TSC22D1: variants seen among roughly 807,000 people sequenced by gnomAD.
TSC22D1 encodes the protein TSC22 domain family member 1.
A neutral mutation model predicts 74.2 loss-of-function variants in TSC22D1; 9 were observed. The observed-to-expected ratio is 0.12, with a 90% confidence interval of 0.07 to 0.21. TSC22D1 has a LOEUF of 0.21. Ranked by LOEUF, TSC22D1 falls within the 10% of genes least tolerant of loss-of-function variation. The pLI, the probability that TSC22D1 is intolerant of heterozygous loss-of-function variation, is 1.00. For missense variants in TSC22D1, 1,427 were observed against 1,304.7 expected, an observed-to-expected ratio of 1.09 and a Z score of -1.44; for synonymous variants, 586 against 492.5, an observed-to-expected ratio of 1.19 and a Z score of -2.51.
At chr13:44,523,197 T>C (rs1282729871) in intron 1 of TSC22D1, among the ~76,000 whole-genome samples, 1 of 152,160 alleles carries the variant, frequency 6.6e-6, no homozygotes, top group Non-Finnish European at 1.5e-5. Context: ...TCATTGCTGG[T>C]GGAAATGCAA....
chr13:44,434,374 A>T lies in TSC22D1; in HGVS notation c.*252T>A. ...TTAAACCATTTCTCAGATATCTGCC[A>T]AGCTGCATGAGGTCCCGGTATATCC... On this transcript the variant is annotated 3_prime_UTR_variant, in exon 3 of 3. Coordinates refer to ENST00000458659, the MANE Select transcript of TSC22D1 (RefSeq NM_183422.4). The T allele has an allele frequency of 7.3e-7, 1 of 1,375,360 alleles. No homozygotes were observed. Among genetic ancestry groups the T allele is most frequent in the Non-Finnish European group, 9.3e-7 (1 of 1,073,828 alleles). The allele number at this position is 1,375,360 out of a possible 1,614,324, so 85.2% of individuals were successfully genotyped here.
intron 1 of TSC22D1, among the ~76,000 whole-genome samples, chr13:44,479,322 ATTTTT>A (rs35004474): frequency 7.5e-6 from 1 of 134,108 alleles, no homozygotes. Context: ...TCTTTCTGTG[ATTTTT>A]TTTTTTTTTT....
chr13:44,487,301 C>T (rs1595111676), intron 1 of TSC22D1, among the ~76,000 whole-genome samples: 1 of 151,638 alleles, frequency 6.6e-6, no homozygotes, highest in Admixed American at 6.6e-5. Flanking sequence ...GAGTTCAAGA[C>T]CAGCCTGTCC....
At chr13:44,542,048 TG>T (rs1414787438) in intron 1 of TSC22D1, among the ~76,000 whole-genome samples, 2 of 152,150 alleles carry the variant, frequency 1.3e-5, no homozygotes, top group East Asian at 3.8e-4. Context: ...TCTAAATTAA[TG>T]AAATCTAAGT....
intron 1 of TSC22D1, among the ~76,000 whole-genome samples, chr13:44,511,326 C>T (rs902593785): frequency 6.6e-6 from 1 of 151,862 alleles, no homozygotes; most frequent in Non-Finnish European, 1.5e-5. Context: ...TAAACAAAAA[C>T]CTTTGCCTGT....
At chr13:44,572,040 A>G (rs1595179011) in intron 1 of TSC22D1, among the ~76,000 whole-genome samples, 1 of 152,192 alleles carries the variant, frequency 6.6e-6, no homozygotes, top group East Asian at 1.9e-4. Context: ...TCGCTTGATG[A>G]AAGTTCAATC....
At chr13:44,570,540 C>T (rs1017516373) in intron 1 of TSC22D1, among the ~76,000 whole-genome samples, 2 of 152,068 alleles carry the variant, frequency 1.3e-5, no homozygotes, top group Non-Finnish European at 2.9e-5. Flanking sequence ...AAACAAGATA[C>T]ATAATCTTAG....
At chr13:44,539,031 G>C (rs1335312412) in intron 1 of TSC22D1, 1 of 985,138 alleles carries the variant, frequency 1.0e-6, no homozygotes, top group Non-Finnish European at 1.2e-6. Context: ...GAACTTCCTG[G>C]AATCAAATCC....
chr13:44,523,118 CT>C (rs1167110166), intron 1 of TSC22D1, among the ~76,000 whole-genome samples: 1 of 151,964 alleles, frequency 6.6e-6, no homozygotes, highest in Non-Finnish European at 1.5e-5. Context: ...TACCACACCC[CT>C]ATTAGACAGG....
rs1398629731 is a variant in TSC22D1, at chr13:44,575,299, G to A, written c.776C>T (p.Ser259Phe). The stretch of plus-strand genomic sequence containing the variant: ...GCTTCCAGTTGTAGAGAGTTTTCTA[G>A]ATACTGGGCTTGAGGGTGGCCCACC... Reference protein sequence around the residue: ...ITGGPPSSPVSRKLSTTGSSD... With the variant: ...ITGGPPSSPVFRKLSTTGSSD... The change falls in exon 1 of 3, where the codon TCT (serine) becomes TTT (phenylalanine). Residue 259 changes from serine to phenylalanine, a missense_variant. Transcript: ENST00000458659. 6.2e-7 allele frequency: 1 copy of A among 1,614,154 alleles called. No individual in the cohort carries two copies. The highest frequency in any genetic ancestry group is 2.2e-5 in the East Asian group (1 of 44,880).
rs760511284 is a variant in TSC22D1, at chr13:44,573,496, G to A, written c.2579C>T (p.Thr860Ile). 8.7e-6 allele frequency: 14 copies of A among 1,614,118 alleles called. No individual in the cohort carries two copies. The highest frequency in any genetic ancestry group is 2.2e-5 in the South Asian group (2 of 91,090). ...CAAATTACCATTTTGGGTAGCAGGG[G>A]TTTGTGCTATATTTTGTGGTGGAAC... ...NLVPPQNIAQTPATQNGNLVQ... is the reference protein window; with the variant it reads ...NLVPPQNIAQIPATQNGNLVQ... Residue 860 changes from threonine to isoleucine, a missense_variant, in exon 1 of 3, where the codon ACC becomes ATC. By Grantham distance (89) the Thr-to-Ile change is moderately conservative. Around this residue, in one of 3 missense-constraint regions of TSC22D1, gnomAD observed 1,343 missense variants for 1,191.5 expected, o/e 1.13. Transcript: ENST00000458659.
intron 1 of TSC22D1, among the ~76,000 whole-genome samples, chr13:44,444,065 TCA>T (rs2138879108): frequency 6.6e-6 from 1 of 151,430 alleles, no homozygotes; most frequent in East Asian, 1.9e-4. Flanking sequence ...GGTGGGTGGG[TCA>T]CTTGAGTTCA....
chr13:44,470,153 T>G (rs539463207), intron 1 of TSC22D1, among the ~76,000 whole-genome samples: 1 of 152,172 alleles, frequency 6.6e-6, no homozygotes, highest in African/African-American at 2.4e-5. Flanking sequence ...TTTAAAAGAT[T>G]AGAAAAATAT....
chr13:44,504,208 C>A (rs562976010), intron 1 of TSC22D1, among the ~76,000 whole-genome samples: 31 of 151,426 alleles, frequency 2.0e-4, no homozygotes, highest in African/African-American at 7.3e-4. Flanking sequence ...ATGAATATTT[C>A]TTCCTTCCCC....
rs936716129 is a variant in TSC22D1 at position 44,511,595 on chromosome 13, G to C, written c.2912+61568C>G. 4.0e-5 allele frequency among the ~76,000 whole-genome samples: 6 copies of C among 148,872 alleles called. No individual in the cohort carries two copies. The South Asian group carries it at 1.1e-3, about 27-fold the overall frequency. On this transcript the variant is annotated intron_variant, in intron 1 of 2. Coordinates refer to ENST00000458659, the MANE Select transcript of TSC22D1 (RefSeq NM_183422.4). ...TCCAAAAACACCTATCCATCTAAAT[G>C]ACAGCTTTCTGAATAAAAAGAAATA... is the stretch of plus-strand genomic sequence containing the variant.
chr13:44,460,473 G>A (rs1436203886), intron 1 of TSC22D1, among the ~76,000 whole-genome samples: 1 of 152,114 alleles, frequency 6.6e-6, no homozygotes, highest in African/African-American at 2.4e-5. Flanking sequence ...TAATCCCTAT[G>A]ACATGATGAA....
intron 1 of TSC22D1, among the ~76,000 whole-genome samples, chr13:44,540,490 A>G (rs1327364536): frequency 6.6e-6 from 1 of 152,198 alleles, no homozygotes; most frequent in Non-Finnish European, 1.5e-5. Flanking sequence ...CCTATATTTT[A>G]TGAAAGCTTA....
intron 1 of TSC22D1, among the ~76,000 whole-genome samples, chr13:44,453,378 C>G (rs1175270043): frequency 6.6e-6 from 1 of 152,158 alleles, no homozygotes; most frequent in Non-Finnish European, 1.5e-5. Flanking sequence ...GCAGAATAAC[C>G]TACCAAACTT....
At chr13:44,542,625 A>G (rs975353357) in intron 1 of TSC22D1, among the ~76,000 whole-genome samples, 3 of 152,122 alleles carry the variant, frequency 2.0e-5, no homozygotes, top group Non-Finnish European at 4.4e-5. Context: ...CCAAAACATA[A>G]TAATTCAACA....
Sources: gnomAD v4.1 joint callset for allele counts (sites outside exome capture counted in the v4.1 genomes callset) on GRCh38, gnomAD v4.1.1 for gene constraint, gnomAD v4.1.1 regional missense constraint, MANE v1.5 for transcripts, NCBI Gene and HGNC (gene_info 2026-07-23, HGNC 2026-07-21) for gene names.